SORCS1: variants seen among roughly 807,000 people sequenced by gnomAD.
SORCS1 encodes the protein VPS10 domain-containing receptor SorCS1.
SORCS1 carries 60 observed loss-of-function variants against 146.1 expected under a neutral mutation model. That is an observed-to-expected ratio of 0.41 (90% CI 0.33 to 0.51). SORCS1 has a LOEUF of 0.51. SORCS1 is among the 20% of genes least tolerant of loss of function. SORCS1 has a pLI of 0.21. For synonymous variants in SORCS1, 637 were observed against 584.0 expected (o/e 1.09, Z -1.31); for missense variants, 1,352 against 1,487.6 (o/e 0.91, Z 1.50).
chr10:106,942,874 G>C (rs1954121056), intron 2 of SORCS1, among the ~76,000 whole-genome samples: 1 of 152,016 alleles, frequency 6.6e-6, no homozygotes, highest in African/African-American at 2.4e-5. Context: ...TTTCTCCCTG[G>C]GAAATGTAAA....
At chr10:107,072,070 C>T (rs540758511) in intron 1 of SORCS1, among the ~76,000 whole-genome samples, 71 of 152,316 alleles carry the variant, frequency 4.7e-4, no homozygotes, top group African/African-American at 1.7e-3. Context: ...GATGCAGCTG[C>T]AGCTACAGGA....
intron 23 of SORCS1, chr10:106,600,416 AAAC>A: frequency 1.0e-6 from 1 of 981,636 alleles, no homozygotes; most frequent in Non-Finnish European, 1.2e-6. Flanking sequence ...TTGCATAAGA[AAAC>A]AAAACTAAAT....
intron 1 of SORCS1, among the ~76,000 whole-genome samples, chr10:106,993,130 G>T (rs1181133011): frequency 6.6e-6 from 1 of 151,496 alleles, no homozygotes; most frequent in Non-Finnish European, 1.5e-5. Context: ...ACGCCCAGCC[G>T]GGCCTGGCTA....
Position 106,629,197 on chromosome 10 carries a change from C to G in SORCS1, c.2662+5G>C, listed in dbSNP as rs746796888. 1 of 1,610,316 alleles carries G rather than the reference C, an allele frequency of 6.2e-7. No individual in the cohort carries two copies. The highest frequency in any genetic ancestry group is 1.1e-5 in the South Asian group (1 of 90,762). ...GGTCATAAACCAACAACAGTAATAA[C>G]ATACAAGTTACATGTAAGTACAGGA... On this transcript the variant is annotated splice_donor_5th_base_variant and intron_variant, in intron 19 of 25. Transcript: ENST00000263054.
At chr10:107,104,274 C>A (rs183108421) in intron 1 of SORCS1, among the ~76,000 whole-genome samples, 2 of 152,304 alleles carry the variant, frequency 1.3e-5, no homozygotes, top group Non-Finnish European at 2.9e-5. Context: ...AAATTCTCAC[C>A]AAGTTTAATC....
intron 17 of SORCS1, among the ~76,000 whole-genome samples, chr10:106,659,610 T>C (rs1470917919): frequency 6.6e-6 from 1 of 152,184 alleles, no homozygotes; most frequent in Non-Finnish European, 1.5e-5. Context: ...CCTTTTGCTT[T>C]TCACATAAGG....
At chr10:106,619,763 G>A (rs1847614401) in intron 20 of SORCS1, among the ~76,000 whole-genome samples, 1 of 152,162 alleles carries the variant, frequency 6.6e-6, no homozygotes, top group Non-Finnish European at 1.5e-5. Flanking sequence ...TTTCTCATGT[G>A]CAAAATGAAA....
At chr10:107,180,196 G>A in the SORCS1 span, among the ~76,000 whole-genome samples, 1 of 152,092 alleles carries the variant, frequency 6.6e-6, no homozygotes, top group Non-Finnish European at 1.5e-5. Flanking sequence ...GATTACAAGT[G>A]TGAGCCACTG....
At chr10:106,889,250 T>TAC (rs1951123599) in intron 2 of SORCS1, among the ~76,000 whole-genome samples, 1 of 152,072 alleles carries the variant, frequency 6.6e-6, no homozygotes, top group African/African-American at 2.4e-5. Context: ...GTAATGGACA[T>TAC]ACAACCTAGC....
chr10:106,629,873 G>A (rs1030187062), intron 18 of SORCS1, among the ~76,000 whole-genome samples: 12 of 152,174 alleles, frequency 7.9e-5, no homozygotes, highest in African/African-American at 1.9e-4. Flanking sequence ...GTGAAACCCC[G>A]TCTCTACTAA....
chr10:106,770,375 A>G (rs17121445), intron 4 of SORCS1, among the ~76,000 whole-genome samples: 3,613 of 152,272 alleles, frequency 0.024, 94 homozygotes, highest in East Asian at 0.11. Context: ...CAAATATTCT[A>G]GAACTGCCAC....
At chr10:106,913,554 T>C (rs999733467) in intron 2 of SORCS1, among the ~76,000 whole-genome samples, 3 of 152,186 alleles carry the variant, frequency 2.0e-5, no homozygotes, top group African/African-American at 7.2e-5. Flanking sequence ...ATTCTATCTA[T>C]TAAGGAGACA....
In SORCS1 at chr10:107,164,384, C is replaced by T. The variant is rs913066658; in HGVS notation, c.143G>A (p.Arg48His). 6 of 1,460,144 alleles carry T rather than the reference C, an allele frequency of 4.1e-6. No individual in the cohort carries two copies. Among genetic ancestry groups the T allele is most frequent in the African/African-American group, 1.4e-5 (1 of 70,456 alleles). 90.4% of individuals were successfully genotyped at this position (1,460,144 alleles called of 1,614,324 possible). The part of the protein sequence containing the change: ...CPSPHPSSAP[R>H]SASTPRGFSH... Reference sequence around the variant, plus strand: ...AAAGCCCCTAGGGGTCGAGGCCGAGCGTGGAGCGGAGCTGGGGTGCGGCGA... The same window carrying T: ...AAAGCCCCTAGGGGTCGAGGCCGAGTGTGGAGCGGAGCTGGGGTGCGGCGA... Residue 48 changes from arginine (R) to histidine (H), a missense_variant, in exon 1 of 26, where the codon CGC (arginine) becomes CAC (histidine). Arg to His is a conservative substitution (Grantham distance 29). This residue lies in a region of SORCS1 where 490 missense variants were observed against 489.1 expected (regional missense o/e 1.00). Transcript: ENST00000263054. The surrounding 1 kb of genome is among the most constrained non-coding windows in gnomAD (Gnocchi z 6.8).
intron 1 of SORCS1, among the ~76,000 whole-genome samples, chr10:107,089,330 CATAG>C (rs1963998982): frequency 6.6e-6 from 1 of 152,090 alleles, no homozygotes; most frequent in Non-Finnish European, 1.5e-5. Context: ...CAAAAAGTGG[CATAG>C]ATATTCTAGT....
chr10:106,667,937 C>T, intron 16 of SORCS1, 135 bp from the exon 17 acceptor site: 1 of 590,812 alleles, frequency 1.7e-6, no homozygotes, highest in South Asian at 2.1e-5. Flanking sequence ...AAAAAAAAAA[C>T]ACAAGCATTC....
chr10:106,825,470 C>T (rs1004724868), intron 3 of SORCS1, among the ~76,000 whole-genome samples: 4 of 151,942 alleles, frequency 2.6e-5, no homozygotes, highest in Non-Finnish European at 5.9e-5. Flanking sequence ...GACGGGGTTT[C>T]ACCATGTTAG....
chr10:106,894,785 T>C (rs1306548390), intron 2 of SORCS1, among the ~76,000 whole-genome samples: 1 of 152,190 alleles, frequency 6.6e-6, no homozygotes, highest in Non-Finnish European at 1.5e-5. Context: ...ATTGCTGACA[T>C]TGCCAAGGAT....
intron 1 of SORCS1, among the ~76,000 whole-genome samples, chr10:107,001,786 G>A (rs571301480): frequency 6.6e-6 from 1 of 152,224 alleles, no homozygotes; most frequent in African/African-American, 2.4e-5. Context: ...TTATAAGCAG[G>A]TATTTGCTTC....
intron 2 of SORCS1, among the ~76,000 whole-genome samples, chr10:106,944,318 A>G (rs1589758715): frequency 6.6e-6 from 1 of 152,322 alleles, no homozygotes; most frequent in East Asian, 1.9e-4. Context: ...CTGTATTGTG[A>G]TTTAGTGCAA....
Sources: allele counts gnomAD v4.1 joint callset (sites outside exome capture counted in the v4.1 genomes callset), GRCh38; gene constraint gnomAD v4.1.1; regional missense constraint gnomAD v4.1.1; non-coding constraint Gnocchi (gnomAD v3.1); transcripts MANE v1.5; gene names NCBI Gene and HGNC (gene_info 2026-07-23, HGNC 2026-07-21).